Variants in GARRE1 observed in about 807,000 individuals in gnomAD.
GARRE1 encodes the protein granule associated Rac and RHOG effector protein 1.
Under a neutral mutation model 103.2 loss-of-function variants are expected in GARRE1, and 49 were observed. That is an observed-to-expected ratio of 0.47 (90% CI 0.38 to 0.60). The LOEUF is 0.60. Ranked by LOEUF, GARRE1 falls within the 20% of genes least tolerant of loss-of-function variation. The pLI is 0.00. For missense variants in GARRE1, 1,199 were observed against 1,370.5 expected (o/e 0.87, Z 1.98); for synonymous variants, 505 against 532.8 (o/e 0.95, Z 0.72).
At chr19:34,272,397 C>T (rs2073793125) in intron 1 of GARRE1, among the ~76,000 whole-genome samples, 3 of 152,062 alleles carry the variant, frequency 2.0e-5, no homozygotes, top group African/African-American at 7.2e-5. Context: ...CAGGGTTTTG[C>T]CATGTTGGTC....
At chr19:34,320,642 T>G (rs1273875257) in intron 3 of GARRE1, among the ~76,000 whole-genome samples, 3 of 152,114 alleles carry the variant, frequency 2.0e-5, no homozygotes, top group Non-Finnish European at 4.4e-5. Flanking sequence ...GAATTTTGTG[T>G]TTTTTGTTAG....
chr19:34,289,189 C>T (rs1225321675), intron 1 of GARRE1, among the ~76,000 whole-genome samples: 1 of 152,058 alleles, frequency 6.6e-6, no homozygotes, highest in Non-Finnish European at 1.5e-5. Context: ...AATCCCAGCA[C>T]TTTGGGAGGC....
chr19:34,284,019 A>G (rs1385542475), intron 1 of GARRE1, among the ~76,000 whole-genome samples: 1 of 149,812 alleles, frequency 6.7e-6, no homozygotes, highest in Non-Finnish European at 1.5e-5. Flanking sequence ...TTTAGTAGAG[A>G]CGGGGTTTCA....
In GARRE1 at chr19:34,342,031, A is replaced by G. The variant is rs1407720862; in HGVS notation, c.2097A>G (p.Pro699=). The G allele has an allele frequency of 6.2e-7, 1 of 1,613,954 alleles. No individual in the cohort carries two copies. The highest frequency in any genetic ancestry group is 1.1e-5 in the South Asian group (1 of 91,070). ...PQQPSLPVPP[P]PRAPQAGAHT... is the part of the protein sequence containing the mutation. ...AGCCGTCACTGCCTGTGCCCCCTCC[A>G]CCACGGGCACCCCAGGCTGGGGCAC... Residue 699 remains proline (P), a synonymous_variant, in exon 10 of 14, where the codon CCA becomes CCG. Coordinates refer to ENST00000299505, the MANE Select transcript of GARRE1 (RefSeq NM_014686.5).
intron 1 of GARRE1, among the ~76,000 whole-genome samples, chr19:34,265,792 A>G (rs988411513): frequency 1.3e-5 from 2 of 152,156 alleles, no homozygotes; most frequent in African/African-American, 4.8e-5. Context: ...ACGGAGACTG[A>G]GGGTATGGCA....
rs1171485360 is a variant in GARRE1, at chr19:34,353,955, CAT to C, written c.*1001_*1002del. 2 of 152,574 alleles carry C rather than the reference CAT, an allele frequency of 1.3e-5. No homozygotes were observed. Among genetic ancestry groups the C allele is most frequent in the East Asian group, 1.9e-4 (1 of 5,190 alleles). 9.5% of individuals were successfully genotyped at this position (152,574 alleles called of 1,614,324 possible). A position where few individuals can be genotyped will look rare whatever the true frequency, so the allele number is the denominator to read the frequency against. On this transcript the variant is annotated 3_prime_UTR_variant, in exon 14 of 14. Coordinates refer to ENST00000299505, the MANE Select transcript of GARRE1 (RefSeq NM_014686.5). ...AAAAATCCACCTCATTTTCAGTTAACATGTGCCATTAAATAGATAACATCCTG... is the reference window on the plus strand; with the variant it reads ...AAAAATCCACCTCATTTTCAGTTAACGTGCCATTAAATAGATAACATCCTG...
At chr19:34,264,810 T>G (rs1173260041) in intron 1 of GARRE1, among the ~76,000 whole-genome samples, 1 of 152,168 alleles carries the variant, frequency 6.6e-6, no homozygotes, top group Admixed American at 6.6e-5. Flanking sequence ...GCCTTGATGT[T>G]TGGAATGGCT....
chr19:34,330,117 G>A, intron 6 of GARRE1, 72 bp from the exon 7 acceptor site: 6 of 1,323,424 alleles, frequency 4.5e-6, no homozygotes. Flanking sequence ...TTGTATAAAT[G>A]CATTTTTACA....
rs190770396 is a variant in GARRE1 at position 34,282,221 on chromosome 19, G to A, written c.-795-17458G>A. Among the ~76,000 whole-genome samples, 53 of 149,062 alleles carry A rather than the reference G, an allele frequency of 3.6e-4. No homozygotes were observed. In the East Asian group the frequency reaches 8.8e-3, roughly 25 times the overall value. ...AGCTGGAATGCAATAGTGCGATCTCGGCTCACTGCAACCTCCGCCTCCTGG... is the reference window on the plus strand; with the variant it reads ...AGCTGGAATGCAATAGTGCGATCTCAGCTCACTGCAACCTCCGCCTCCTGG... On this transcript the variant is annotated intron_variant, in intron 1 of 13. Coordinates refer to ENST00000299505, the MANE Select transcript of GARRE1 (RefSeq NM_014686.5).
At chr19:34,337,625 T>A (rs938515957) in intron 8 of GARRE1, among the ~76,000 whole-genome samples, 5 of 152,110 alleles carry the variant, frequency 3.3e-5, no homozygotes, top group African/African-American at 1.2e-4. Context: ...TTGAAGGAAT[T>A]GGGTTTTTAT....
chr19:34,285,348 A>T (rs916803971), intron 1 of GARRE1: 1 of 152,154 alleles, frequency 6.6e-6, no homozygotes, highest in Non-Finnish European at 1.5e-5. Flanking sequence ...TCGGGCAGGC[A>T]TGATGGCTCA....
Position 34,267,780 on chromosome 19 carries a change from G to GT in GARRE1, c.-796+13179dup, listed in dbSNP as rs942698745. On this transcript the variant is annotated intron_variant, in intron 1 of 13. Transcript: ENST00000299505. The stretch of plus-strand genomic sequence containing the variant: ...TATATAATTGCTTTGTGGTTTTTTT[G>GT]TTTTTTTTTTTTTGATGGAGTCTCG... Among the ~76,000 whole-genome samples the GT allele has an allele frequency of 4.3e-3, 578 of 133,322 alleles. 1 individual carries two copies. The highest frequency in any genetic ancestry group is 6.3e-3 in the South Asian group (26 of 4,142). 87.5% of individuals were successfully genotyped at this position (133,322 alleles called of 152,430 possible). A position where few individuals can be genotyped will look rare whatever the true frequency, so the allele number is the denominator to read the frequency against.
chr19:34,338,885 G>A (rs962354233), intron 8 of GARRE1, among the ~76,000 whole-genome samples: 3 of 152,130 alleles, frequency 2.0e-5, no homozygotes, highest in Non-Finnish European at 4.4e-5. Flanking sequence ...ATGAAGGATG[G>A]GCTTTGGAGG....
intron 1 of GARRE1, among the ~76,000 whole-genome samples, chr19:34,288,100 C>T (rs117547936): frequency 0.015 from 2,220 of 152,206 alleles, 25 homozygotes; most frequent in South Asian, 0.026. Flanking sequence ...TAGGCCTCCC[C>T]TGCTTGGTCA....
chr19:34,314,416 T>A (rs759326338), intron 2 of GARRE1, among the ~76,000 whole-genome samples: 8 of 152,190 alleles, frequency 5.3e-5, no homozygotes, highest in Admixed American at 2.0e-4. Flanking sequence ...GTTATACCTA[T>A]TTAGGAATAT....
chr19:34,259,179 G>A (rs1173447548), intron 1 of GARRE1, among the ~76,000 whole-genome samples: 3 of 152,116 alleles, frequency 2.0e-5, no homozygotes, highest in Admixed American at 2.0e-4. Context: ...AAATAAATAA[G>A]TAAATAAATA....
intron 2 of GARRE1, among the ~76,000 whole-genome samples, chr19:34,310,030 G>A (rs1468032573): frequency 1.3e-5 from 2 of 152,212 alleles, no homozygotes; most frequent in African/African-American, 4.8e-5. Flanking sequence ...TAATTTTGGG[G>A]ACTAGTGATT....
At chr19:34,291,055 T>A (rs1268813920) in intron 1 of GARRE1, among the ~76,000 whole-genome samples, 1 of 151,702 alleles carries the variant, frequency 6.6e-6, no homozygotes. Context: ...TACAGGTGCC[T>A]GCCACAATGC....
intron 1 of GARRE1, among the ~76,000 whole-genome samples, chr19:34,284,773 GGAAAA>G: frequency 6.6e-6 from 1 of 152,116 alleles, no homozygotes; most frequent in Non-Finnish European, 1.5e-5. Flanking sequence ...AAGAAAATAC[GGAAAA>G]GAAATGTCCT....
Sources: gnomAD v4.1 joint callset for allele counts (sites outside exome capture counted in the v4.1 genomes callset) on GRCh38, gnomAD v4.1.1 for gene constraint, MANE v1.5 for transcripts, NCBI Gene and HGNC (gene_info 2026-07-23, HGNC 2026-07-21) for gene names.